Variants in PPFIA2 observed in about 807,000 individuals in gnomAD.
PPFIA2 encodes the protein liprin-alpha-2.
A neutral mutation model predicts 175.5 loss-of-function variants in PPFIA2; 46 were observed. That is an observed-to-expected ratio of 0.26 (90% CI 0.21 to 0.34). The LOEUF (loss-of-function observed/expected upper bound fraction) is 0.34, where lower values mean the gene tolerates loss of function less well. Among genes scored for constraint, PPFIA2 ranks in the 10% least tolerant of loss-of-function variants. PPFIA2 has a pLI of 1.00. For synonymous variants in PPFIA2, 568 were observed against 511.4 expected (o/e 1.11, Z -1.49); for missense variants, 1,179 against 1,506.1 (o/e 0.78, Z 3.60).
chr12:81,453,485 C>G (rs562554621), intron 5 of PPFIA2, among the ~76,000 whole-genome samples: 1 of 152,024 alleles, frequency 6.6e-6, no homozygotes, highest in African/African-American at 2.4e-5. Flanking sequence ...AAATTATTTT[C>G]TATAAATATA....
intron 24 of PPFIA2, among the ~76,000 whole-genome samples, chr12:81,285,143 C>CAA (rs2043006624): frequency 1.3e-5 from 2 of 152,124 alleles, no homozygotes; most frequent in African/African-American, 4.8e-5. Flanking sequence ...TAATAACGTA[C>CAA]AGTTTCGAAA....
At chr12:81,515,359 A>G (rs557069205) in intron 4 of PPFIA2, among the ~76,000 whole-genome samples, 1 of 152,140 alleles carries the variant, frequency 6.6e-6, no homozygotes, top group African/African-American at 2.4e-5. Context: ...ATAGATGTAA[A>G]CACACTCTGG....
At chr12:81,645,546 A>G (rs896062306) in intron 4 of PPFIA2, among the ~76,000 whole-genome samples, 13 of 152,248 alleles carry the variant, frequency 8.5e-5, no homozygotes, top group African/African-American at 3.1e-4. Context: ...CAGGCTAAAA[A>G]TGAGAAAGAG....
chr12:81,528,973 T>C (rs1159051049), intron 4 of PPFIA2, among the ~76,000 whole-genome samples: 2 of 152,076 alleles, frequency 1.3e-5, no homozygotes, highest in East Asian at 3.9e-4. Flanking sequence ...AAATGTATCA[T>C]ATTCTAATAT....
At chr12:81,512,346 T>C (rs900132369) in intron 4 of PPFIA2, 5 of 1,288,570 alleles carry the variant, frequency 3.9e-6, no homozygotes, top group South Asian at 3.7e-5. Context: ...CTTATGTACC[T>C]GCAGCCAAAA....
rs552524715 is a variant in PPFIA2, at chr12:81,268,039, A to G, written c.3359T>C (p.Ile1120Thr). ...ATTATTTGCATATTCTCGAAGTCCA[A>G]TTGCTTGTATCCAGCGAATAACTCG... ...NDRVIRWIQA[I>T]GLREYANNIL... The change falls in exon 29 of 33, where the codon ATT (isoleucine) becomes ACT (threonine). Residue 1120 changes from isoleucine (I) to threonine (T), a missense_variant. Physicochemically the swap from Ile to Thr is moderately conservative, Grantham distance 89 (BLOSUM62 -1). This residue lies in a region of PPFIA2 where 245 missense variants were observed against 375.1 expected (regional missense o/e 0.65). Transcript: ENST00000549396. 46 of 1,596,950 alleles carry G rather than the reference A, an allele frequency of 2.9e-5. No homozygotes were observed. The highest frequency in any genetic ancestry group is 1.6e-4 in the South Asian group (14 of 88,100).
At chr12:81,642,183 A>C (rs1036190514) in intron 4 of PPFIA2, among the ~76,000 whole-genome samples, 1 of 152,088 alleles carries the variant, frequency 6.6e-6, no homozygotes, top group Non-Finnish European at 1.5e-5. Flanking sequence ...ATTTTATCTC[A>C]AAGACTCTGT....
intron 4 of PPFIA2, among the ~76,000 whole-genome samples, chr12:81,536,848 ATT>A (rs935065968): frequency 7.0e-6 from 1 of 143,392 alleles, no homozygotes. Context: ...GAAATGAAGA[ATT>A]TTTTTTTTTT....
chr12:81,513,133 A>T (rs1194122285), intron 4 of PPFIA2, among the ~76,000 whole-genome samples: 3 of 152,134 alleles, frequency 2.0e-5, no homozygotes, highest in Non-Finnish European at 4.4e-5. Flanking sequence ...ACAAATGGCC[A>T]ACAAACATGG....
intron 6 of PPFIA2, among the ~76,000 whole-genome samples, chr12:81,441,094 T>C (rs1213320340): frequency 6.6e-6 from 1 of 151,548 alleles, no homozygotes; most frequent in East Asian, 1.9e-4. Flanking sequence ...ATGGTATTTT[T>C]CTCCTCTAAT....
intron 11 of PPFIA2, among the ~76,000 whole-genome samples, chr12:81,373,680 C>G (rs1316557754): frequency 6.6e-6 from 1 of 151,380 alleles, no homozygotes; most frequent in Non-Finnish European, 1.5e-5. Context: ...ACAGGAAGAT[C>G]AGTCCACTGT....
At chr12:81,277,436 A>G in intron 27 of PPFIA2, 22 bp from the exon 28 acceptor site, 3 of 1,490,932 alleles carry the variant, frequency 2.0e-6, no homozygotes, top group Non-Finnish European at 2.7e-6. Flanking sequence ...ATTAAAAAAA[A>G]AAAAACACAG....
At chr12:81,358,625 T>C (rs542554181) in intron 15 of PPFIA2, among the ~76,000 whole-genome samples, 291 of 152,274 alleles carry the variant, frequency 1.9e-3, no homozygotes, top group African/African-American at 6.6e-3. Flanking sequence ...ATATTTCTTA[T>C]ACATCTAGCT....
At chr12:81,621,307 T>C (rs1479616082) in intron 4 of PPFIA2, among the ~76,000 whole-genome samples, 1 of 152,086 alleles carries the variant, frequency 6.6e-6, no homozygotes, top group African/African-American at 2.4e-5. Context: ...ACTGAGTAAG[T>C]GAGCAAGGGA....
intron 4 of PPFIA2, among the ~76,000 whole-genome samples, chr12:81,559,797 C>T (rs2069607768): frequency 7.7e-6 from 1 of 129,218 alleles, no homozygotes; most frequent in African/African-American, 3.1e-5. Context: ...TTACATGATG[C>T]TTAGTTGTTT....
At chr12:81,261,389 G>T (rs1198077696) in intron 32 of PPFIA2, among the ~76,000 whole-genome samples, 1 of 152,032 alleles carries the variant, frequency 6.6e-6, no homozygotes, top group Non-Finnish European at 1.5e-5. Flanking sequence ...GCTACTTTTT[G>T]TGTTTTTAGT....
intron 4 of PPFIA2, among the ~76,000 whole-genome samples, chr12:81,637,065 T>C (rs1473947841): frequency 1.3e-5 from 2 of 151,636 alleles, no homozygotes; most frequent in Non-Finnish European, 2.9e-5. Context: ...AATTACTCTA[T>C]ATCTTTTTTT....
chr12:81,414,172 A>G lies in PPFIA2; in HGVS notation c.646-8269T>C, dbSNP rs1042619057. ...GATTCAGGTCTGATTCCTTCAAAAC[A>G]TTTTAAAAATATTATGCTGTAATGC... On this transcript the variant is annotated intron_variant, in intron 7 of 32. Coordinates refer to ENST00000549396, the MANE Select transcript of PPFIA2 (RefSeq NM_003625.5). Among the ~76,000 whole-genome samples, 4 of 151,768 alleles carry G rather than the reference A, an allele frequency of 2.6e-5. No individual in the cohort carries two copies. In the East Asian group the frequency reaches 5.8e-4, roughly 22 times the overall value.
chr12:81,744,384 C>CTTA (rs1279024977), intron 3 of PPFIA2, among the ~76,000 whole-genome samples: 1 of 149,232 alleles, frequency 6.7e-6, no homozygotes, highest in East Asian at 2.0e-4. Flanking sequence ...CTTACTAAAA[C>CTTA]TTAGAGGTAG....
Sources: allele counts gnomAD v4.1 joint callset (sites outside exome capture counted in the v4.1 genomes callset), GRCh38; gene constraint gnomAD v4.1.1; regional missense constraint gnomAD v4.1.1; transcripts MANE v1.5; gene names NCBI Gene and HGNC (gene_info 2026-07-23, HGNC 2026-07-21).